Variants in FGF12 observed in about 807,000 individuals in gnomAD.
The protein encoded by FGF12 is fibroblast growth factor 12.
Under a neutral mutation model 23.6 loss-of-function variants are expected in FGF12, and 14 were observed. That is an observed-to-expected ratio of 0.59 (90% CI 0.39 to 0.93). FGF12 has a LOEUF of 0.93. Among genes scored for constraint, FGF12 ranks in the 40% least tolerant of loss-of-function variants. The pLI, the probability that FGF12 is intolerant of heterozygous loss-of-function variation, is 0.00. For synonymous variants in FGF12, 62 were observed against 77.3 expected (o/e 0.80, Z 1.04); for missense variants, 175 against 217.8 (o/e 0.80, Z 1.24).
chr3:192,275,579 T>C (rs548085571), intron 4 of FGF12, among the ~76,000 whole-genome samples: 1 of 152,268 alleles, frequency 6.6e-6, no homozygotes, highest in African/African-American at 2.4e-5. Context: ...AGAAAAGGTT[T>C]TGTGAAGGTG....
At chr3:192,231,728 C>T (rs962661621) in intron 4 of FGF12, among the ~76,000 whole-genome samples, 7 of 151,928 alleles carry the variant, frequency 4.6e-5, no homozygotes, top group Non-Finnish European at 1.0e-4. Context: ...CGTGAAGGTG[C>T]CACTGCACTC....
chr3:192,711,981 T>A (rs1182875717), intron 2 of FGF12, among the ~76,000 whole-genome samples: 1 of 149,318 alleles, frequency 6.7e-6, no homozygotes, highest in African/African-American at 2.5e-5. Flanking sequence ...ATAATTATTC[T>A]CAGCAAAGTA....
At chr3:192,585,331 G>C (rs1251642451) in intron 2 of FGF12, among the ~76,000 whole-genome samples, 1 of 152,092 alleles carries the variant, frequency 6.6e-6, no homozygotes, top group African/African-American at 2.4e-5. Flanking sequence ...ATCTTTATAT[G>C]TTCTACCATA....
chr3:192,529,402 A>G (rs1474204678), intron 2 of FGF12, among the ~76,000 whole-genome samples: 1 of 152,186 alleles, frequency 6.6e-6, no homozygotes, highest in Non-Finnish European at 1.5e-5. Flanking sequence ...TATCATTATC[A>G]GCATTTTGGT....
intron 2 of FGF12, among the ~76,000 whole-genome samples, chr3:192,695,226 A>G (rs1389363184): frequency 1.3e-5 from 2 of 152,250 alleles, no homozygotes; most frequent in Non-Finnish European, 2.9e-5. Context: ...TATTCCAAAT[A>G]CAAACCTAGC....
intron 3 of FGF12, among the ~76,000 whole-genome samples, chr3:192,343,734 T>C (rs1312003716): frequency 1.3e-5 from 2 of 152,176 alleles, no homozygotes; most frequent in Non-Finnish European, 2.9e-5. Flanking sequence ...ATTCCATACA[T>C]AGCACTTATC....
At chr3:192,285,318 T>C (rs557765934) in intron 4 of FGF12, among the ~76,000 whole-genome samples, 19 of 152,020 alleles carry the variant, frequency 1.2e-4, no homozygotes, top group Non-Finnish European at 2.5e-4. Flanking sequence ...GCCAAGCCAG[T>C]ACTAAAATTC....
chr3:192,362,945 C>G (rs1718799743), intron 2 of FGF12, among the ~76,000 whole-genome samples: 2 of 152,096 alleles, frequency 1.3e-5, no homozygotes, highest in Non-Finnish European at 2.9e-5. Flanking sequence ...AAGAGGGCAA[C>G]TGTCTTACAA....
At position 192,409,774 on chromosome 3, in the gene FGF12, C is replaced by T. The variant is rs1721128626; in HGVS notation, c.14-49236G>A. On this transcript the variant is annotated intron_variant, in intron 2 of 5. Transcript: ENST00000445105. This position sits in a 1 kb window ranked among gnomAD's most constrained non-coding sequence, Gnocchi z 4.8. Reference sequence around the variant, plus strand: ...GGCTACCTCGCGAGGCAGCCGAGGGCGCAACCCGGGCGCTTGGGGCCGGAG... The same window carrying T: ...GGCTACCTCGCGAGGCAGCCGAGGGTGCAACCCGGGCGCTTGGGGCCGGAG... Among the ~76,000 whole-genome samples, 1 of 152,078 alleles carries T rather than the reference C, an allele frequency of 6.6e-6. No homozygotes were observed. Among genetic ancestry groups the T allele is most frequent in the Non-Finnish European group, 1.5e-5 (1 of 67,960 alleles).
intron 2 of FGF12, 120 bp downstream of exon 2, chr3:192,727,061 C>T (rs1719241977): frequency 7.9e-6 from 10 of 1,265,690 alleles, no homozygotes; most frequent in Non-Finnish European, 1.1e-5. Context: ...GACATAGCAT[C>T]TCCTCCTCTA....
intron 4 of FGF12, among the ~76,000 whole-genome samples, chr3:192,240,279 G>A (rs1719540674): frequency 2.6e-5 from 4 of 152,132 alleles, no homozygotes; most frequent in South Asian, 2.1e-4. Flanking sequence ...CAGCCCAGCA[G>A]TGACAATAAT....
intron 2 of FGF12, among the ~76,000 whole-genome samples, chr3:192,660,969 A>G (rs1716644951): frequency 7.4e-6 from 1 of 134,884 alleles, no homozygotes; most frequent in African/African-American, 2.8e-5. Flanking sequence ...AGTGCAGAAG[A>G]AAACCCTAGT....
intron 4 of FGF12, among the ~76,000 whole-genome samples, chr3:192,298,915 A>G (rs1250224161): frequency 6.6e-6 from 1 of 152,202 alleles, no homozygotes; most frequent in Non-Finnish European, 1.5e-5. Context: ...GAGAACAAAC[A>G]GAACATGTCA....
At chr3:192,578,194 AAC>A (rs946570972) in intron 2 of FGF12, among the ~76,000 whole-genome samples, 1 of 152,236 alleles carries the variant, frequency 6.6e-6, no homozygotes, top group African/African-American at 2.4e-5. Flanking sequence ...AGTAAATAAA[AAC>A]ACTTTGTTTA....
At chr3:192,492,716 C>T (rs1260421820) in intron 2 of FGF12, among the ~76,000 whole-genome samples, 1 of 152,128 alleles carries the variant, frequency 6.6e-6, no homozygotes, top group Non-Finnish European at 1.5e-5. Flanking sequence ...AAGGATCACA[C>T]CGATATAACA....
chr3:192,282,272 G>T (rs1416729132), intron 4 of FGF12, among the ~76,000 whole-genome samples: 1 of 152,016 alleles, frequency 6.6e-6, no homozygotes, highest in African/African-American at 2.4e-5. Flanking sequence ...CATATTTTTT[G>T]AGTAAATGAA....
chr3:192,493,979 A>T (rs1723877181), intron 2 of FGF12, among the ~76,000 whole-genome samples: 1 of 152,042 alleles, frequency 6.6e-6, no homozygotes. Context: ...CACAGTTCTG[A>T]CTCCTTGGAT....
chr3:192,420,754 C>T (rs774360046), intron 2 of FGF12, among the ~76,000 whole-genome samples: 2 of 152,118 alleles, frequency 1.3e-5, no homozygotes, highest in Admixed American at 6.6e-5. Flanking sequence ...AACCTCTTTT[C>T]TTTATAAATG....
chr3:192,324,506 G>C (rs1160797390), intron 4 of FGF12, among the ~76,000 whole-genome samples: 1 of 152,152 alleles, frequency 6.6e-6, no homozygotes, highest in Non-Finnish European at 1.5e-5. Flanking sequence ...GGCTTTACGT[G>C]CATCTTTCCA....
Sources: allele counts gnomAD v4.1 joint callset (sites outside exome capture counted in the v4.1 genomes callset), GRCh38; gene constraint gnomAD v4.1.1; non-coding constraint Gnocchi (gnomAD v3.1); transcripts MANE v1.5; gene names NCBI Gene and HGNC (gene_info 2026-07-23, HGNC 2026-07-21).